The following SLC26A7 variants were observed in gnomAD, a reference collection of about 807,000 sequenced individuals.
SLC26A7 encodes the protein solute carrier family 26 member 7, also known as anion exchange transporter.
A neutral mutation model predicts 82.5 loss-of-function variants in SLC26A7; 59 were observed. The observed-to-expected ratio is 0.72, with a 90% CI of 0.58 to 0.89. The LOEUF (loss-of-function observed/expected upper bound fraction) is 0.89, where lower values mean the gene tolerates loss of function less well. SLC26A7 is among the 40% of genes least tolerant of loss of function. The pLI is 0.00. For missense variants in SLC26A7, 820 were observed against 793.0 expected (o/e 1.03, Z -0.41); for synonymous variants, 271 against 274.3 (o/e 0.99, Z 0.12).
intron 1 of SLC26A7, among the ~76,000 whole-genome samples, chr8:91,218,264 A>G (rs1810091456): frequency 6.6e-6 from 1 of 152,156 alleles, no homozygotes; most frequent in Non-Finnish European, 1.5e-5. Context: ...TAGAAATGGT[A>G]AGCTTTTGAG....
chr8:91,271,421 T>C (rs961324928), intron 2 of SLC26A7, among the ~76,000 whole-genome samples: 1 of 152,170 alleles, frequency 6.6e-6, no homozygotes, highest in Non-Finnish European at 1.5e-5. Context: ...GTTAAATGAA[T>C]AAATATTATT....
chr8:91,342,863 C>CA (rs1813457910), intron 8 of SLC26A7, among the ~76,000 whole-genome samples: 1 of 152,112 alleles, frequency 6.6e-6, no homozygotes, highest in South Asian at 2.1e-4. Flanking sequence ...GAAAGAACCA[C>CA]AAAAGGCATT....
intron 2 of SLC26A7, among the ~76,000 whole-genome samples, chr8:91,277,858 A>AT (rs1375134977): frequency 6.6e-6 from 1 of 152,162 alleles, no homozygotes; most frequent in Admixed American, 6.5e-5. Context: ...TCTTAGGCTT[A>AT]TTCCCCCCCA....
chr8:91,353,679 AATT>A (rs2130858655), intron 11 of SLC26A7, among the ~76,000 whole-genome samples: 1 of 152,172 alleles, frequency 6.6e-6, no homozygotes, highest in East Asian at 1.9e-4. Flanking sequence ...ATTGGAATAT[AATT>A]ATTAATATGA....
At chr8:91,238,551 A>G (rs953577057) in intron 2 of SLC26A7, among the ~76,000 whole-genome samples, 2 of 148,940 alleles carry the variant, frequency 1.3e-5, no homozygotes, top group Non-Finnish European at 3.0e-5. Flanking sequence ...ATATTTATAT[A>G]TACATATATA....
chr8:91,287,132 T>C (rs1218604661), intron 2 of SLC26A7, among the ~76,000 whole-genome samples: 2 of 152,226 alleles, frequency 1.3e-5, no homozygotes, highest in Non-Finnish European at 2.9e-5. Flanking sequence ...TCTACATGAT[T>C]TCTGGTCTTG....
intron 2 of SLC26A7, among the ~76,000 whole-genome samples, chr8:91,261,546 C>T (rs1810965142): frequency 6.6e-6 from 1 of 152,010 alleles, no homozygotes; most frequent in Admixed American, 6.6e-5. Context: ...ATCTATATAA[C>T]ATAACATGAA....
chr8:91,242,950 C>T (rs192491726), intron 2 of SLC26A7, among the ~76,000 whole-genome samples: 82 of 152,156 alleles, frequency 5.4e-4, no homozygotes, highest in Non-Finnish European at 8.4e-4. Context: ...TTCAAGATAT[C>T]AAACAAGGTT....
intron 5 of SLC26A7, among the ~76,000 whole-genome samples, chr8:91,330,435 G>T (rs930367183): frequency 2.0e-5 from 3 of 152,046 alleles, no homozygotes; most frequent in Non-Finnish European, 2.9e-5. Context: ...AAATTCTTTT[G>T]ATCCATTGTC....
intron 15 of SLC26A7, among the ~76,000 whole-genome samples, chr8:91,372,098 T>A (rs1586465152): frequency 6.6e-6 from 1 of 151,694 alleles, no homozygotes; most frequent in African/African-American, 2.4e-5. Context: ...CTTTTTCTCA[T>A]TGAAGTTCAA....
At chr8:91,393,249 G>T (rs1808457842) in intron 16 of SLC26A7, among the ~76,000 whole-genome samples, 1 of 152,046 alleles carries the variant, frequency 6.6e-6, no homozygotes, top group Non-Finnish European at 1.5e-5. Flanking sequence ...GGACTTAAAA[G>T]AGGCAAAACT....
At chr8:91,279,394 A>G (rs542342059) in intron 2 of SLC26A7, among the ~76,000 whole-genome samples, 4 of 152,126 alleles carry the variant, frequency 2.6e-5, no homozygotes, top group South Asian at 2.1e-4. Context: ...TAATGACTAT[A>G]CTAATTTACA....
intron 1 of SLC26A7, 21 bp downstream of exon 1, chr8:91,249,434 A>G (rs1449319677): frequency 1.1e-5 from 4 of 373,114 alleles, no homozygotes; most frequent in Admixed American, 9.1e-5. Context: ...ATAGTTTTTA[A>G]ATCTAGAATA....
At chr8:91,365,925 T>C (rs1429177720) in intron 13 of SLC26A7, among the ~76,000 whole-genome samples, 3 of 152,206 alleles carry the variant, frequency 2.0e-5, no homozygotes, top group African/African-American at 4.8e-5. Flanking sequence ...TAGAGAAGAC[T>C]GTTTTAGTTG....
At chr8:91,219,072 ACTT>A in intron 2 of SLC26A7, 1 of 681,234 alleles carries the variant, frequency 1.5e-6, no homozygotes, top group African/African-American at 1.8e-5. Flanking sequence ...ATTATGCCCT[ACTT>A]AAGATACCAT....
intron 16 of SLC26A7, among the ~76,000 whole-genome samples, chr8:91,390,166 A>AGT (rs1814919642): frequency 6.8e-6 from 1 of 147,092 alleles, no homozygotes; most frequent in Admixed American, 6.8e-5. Flanking sequence ...GCTGGAGTGC[A>AGT]GTGGCGCGAT....
chr8:91,314,020 A>G (rs112807927), intron 4 of SLC26A7, among the ~76,000 whole-genome samples: 58 of 152,340 alleles, frequency 3.8e-4, no homozygotes, highest in African/African-American at 1.3e-3. Context: ...AAATAGTATC[A>G]TGCTAGTGAA....
At chr8:91,379,270 T>C (rs1258136178) in intron 15 of SLC26A7, among the ~76,000 whole-genome samples, 2 of 152,112 alleles carry the variant, frequency 1.3e-5, no homozygotes, top group African/African-American at 2.4e-5. Flanking sequence ...TTATATTTAA[T>C]ATCAAGTAAA....
intron 2 of SLC26A7, among the ~76,000 whole-genome samples, chr8:91,238,564 T>C (rs531599031): frequency 1.6e-3 from 235 of 148,254 alleles, no homozygotes; most frequent in Non-Finnish European, 2.8e-3. Context: ...CATATATATA[T>C]ACACACACAC....
Sources: gnomAD v4.1 joint callset for allele counts (sites outside exome capture counted in the v4.1 genomes callset) on GRCh38, gnomAD v4.1.1 for gene constraint, MANE v1.5 for transcripts, NCBI Gene and HGNC (gene_info 2026-07-23, HGNC 2026-07-21) for gene names.